COL19A1: variants seen among roughly 807,000 people sequenced by gnomAD.
COL19A1 encodes collagen type XIX alpha 1 chain.
In COL19A1, 159 loss-of-function variants were observed where a neutral mutation model predicts 190.2. The ratio of observed to expected loss-of-function variants is 0.84; its 90% CI spans 0.73 to 0.95. COL19A1 has a LOEUF of 0.95. Ranked by LOEUF, COL19A1 falls within the 40% of genes least tolerant of loss-of-function variation. The probability of loss-of-function intolerance (pLI) is 0.00; values close to 1 mark genes in which losing one functional copy is unlikely to be tolerated. For synonymous variants in COL19A1, 509 were observed against 458.9 expected, an observed-to-expected ratio of 1.11 and a Z score of -1.39; for missense variants, 1,418 against 1,431.9, an observed-to-expected ratio of 0.99 and a Z score of 0.16.
intron 35 of COL19A1, 65 bp downstream of exon 35, chr6:70,162,018 A>G: frequency 7.0e-7 from 1 of 1,430,060 alleles, no homozygotes; most frequent in Non-Finnish European, 9.5e-7. Context: ...AAGGTGAATT[A>G]ATTTTCTTCA....
intron 18 of COL19A1, chr6:70,130,948 G>T: frequency 4.5e-6 from 1 of 222,200 alleles, no homozygotes; most frequent in Non-Finnish European, 1.0e-5. Flanking sequence ...ATTTTTGGTG[G>T]GGTTTTATAC....
rs574948187 is a variant in COL19A1, at chr6:70,191,039, T to G, written c.3094+658T>G. ...TGCACATTCCTTCGCCTCTTTTCTC[T>G]GGCTGTTATCCCACTACAGCAACAG... On this transcript the variant is annotated intron_variant, in intron 48 of 50. Transcript: ENST00000620364. Among the ~76,000 whole-genome samples, 42 of 152,360 alleles carry G rather than the reference T, an allele frequency of 2.8e-4. 1 individual carries two copies. In the South Asian group the frequency reaches 8.5e-3, roughly 31 times the overall value.
chr6:69,968,557 G>A (rs1775249780), intron 11 of COL19A1, among the ~76,000 whole-genome samples: 1 of 152,076 alleles, frequency 6.6e-6, no homozygotes. Flanking sequence ...TTGACTTCTA[G>A]CATTAAATGT....
At chr6:69,929,787 T>A in intron 6 of COL19A1, 87 bp downstream of exon 6, 20 of 1,188,208 alleles carry the variant, frequency 1.7e-5, no homozygotes, top group Non-Finnish European at 2.3e-5. Flanking sequence ...TTTATTACTG[T>A]GTAATAGATT....
intron 46 of COL19A1, among the ~76,000 whole-genome samples, chr6:70,185,592 A>G (rs1401699139): frequency 6.6e-6 from 1 of 152,122 alleles, no homozygotes; most frequent in African/African-American, 2.4e-5. Context: ...CATTATTGCA[A>G]TTTCTCTTTA....
At chr6:69,919,036 C>A (rs1175481990) in intron 4 of COL19A1, among the ~76,000 whole-genome samples, 1 of 152,196 alleles carries the variant, frequency 6.6e-6, no homozygotes, top group Admixed American at 6.5e-5. Flanking sequence ...CATCTCACAT[C>A]CCCTCCTTTT....
At position 70,074,161 on chromosome 6, in the gene COL19A1, T is replaced by C. The variant is rs546450359; in HGVS notation, c.1224+5685T>C. 3.3e-4 allele frequency among the ~76,000 whole-genome samples: 51 copies of C among 152,242 alleles called. 3 individuals are homozygous for C. The South Asian group carries it at 0.011, about 32-fold the overall frequency. ...AACTTTGTAGAACACAGCAAGACAGTAATGCAGGTCAGACCTGCCTCACAG... is the reference window on the plus strand; with the variant it reads ...AACTTTGTAGAACACAGCAAGACAGCAATGCAGGTCAGACCTGCCTCACAG... On this transcript the variant is annotated intron_variant, in intron 15 of 50. Transcript: ENST00000620364.
At chr6:70,056,253 C>T (rs949491510) in intron 14 of COL19A1, among the ~76,000 whole-genome samples, 4 of 152,138 alleles carry the variant, frequency 2.6e-5, no homozygotes, top group Admixed American at 6.5e-5. Flanking sequence ...CACTTTCACA[C>T]TTGATTGATA....
rs112888229 is a variant in COL19A1 at position 69,899,165 on chromosome 6, A to ATTT, written c.166+158_166+160dup. 381 of 425,978 alleles carry ATTT rather than the reference A, an allele frequency of 8.9e-4. 1 individual carries two copies. Among genetic ancestry groups the ATTT allele is most frequent in the African/African-American group, 2.2e-3 (100 of 45,368 alleles). 26.4% of individuals were successfully genotyped at this position (425,978 alleles called of 1,614,324 possible). ...GTGAAAATTTTAAGAATTCTTTTTA[A>ATTT]TTTTTTTTTTTTTTTTTGAGACAGG... On this transcript the variant is annotated intron_variant, in intron 3 of 50. Coordinates refer to ENST00000620364, the MANE Select transcript of COL19A1 (RefSeq NM_001858.6).
At chr6:69,879,059 A>C (rs1333510035) in intron 1 of COL19A1, among the ~76,000 whole-genome samples, 1 of 152,194 alleles carries the variant, frequency 6.6e-6, no homozygotes, top group Non-Finnish European at 1.5e-5. Flanking sequence ...AAAATGGGAA[A>C]TTATTTTTTA....
At chr6:70,199,404 C>T (rs902270424) in intron 48 of COL19A1, among the ~76,000 whole-genome samples, 2 of 152,246 alleles carry the variant, frequency 1.3e-5, no homozygotes, top group East Asian at 3.8e-4. Flanking sequence ...AGTGACACAG[C>T]TGGTCTGCAT....
intron 15 of COL19A1, among the ~76,000 whole-genome samples, chr6:70,082,361 A>C (rs545568549): frequency 7.5e-4 from 115 of 152,332 alleles, no homozygotes; most frequent in African/African-American, 2.7e-3. Context: ...CTTTGTTAAA[A>C]TGATTTCTAT....
intron 15 of COL19A1, chr6:70,098,492 A>G (rs1227072486): frequency 1.2e-5 from 6 of 498,628 alleles, no homozygotes; most frequent in Non-Finnish European, 2.4e-5. Context: ...CAGGTGCCTC[A>G]TTCGACCAGT....
intron 14 of COL19A1, among the ~76,000 whole-genome samples, chr6:70,055,643 G>A (rs1025243214): frequency 7.9e-5 from 12 of 151,836 alleles, no homozygotes; most frequent in African/African-American, 2.9e-4. Flanking sequence ...TCAGCCAAGT[G>A]TGGTGGTGGG....
intron 44 of COL19A1, among the ~76,000 whole-genome samples, chr6:70,182,803 T>C (rs961451612): frequency 1.3e-5 from 2 of 152,050 alleles, no homozygotes; most frequent in African/African-American, 4.8e-5. Context: ...ATGATCCAGT[T>C]GAGAGAGGAA....
chr6:69,961,860 A>G (rs1774820121), intron 10 of COL19A1, among the ~76,000 whole-genome samples: 2 of 152,186 alleles, frequency 1.3e-5, no homozygotes, highest in South Asian at 4.1e-4. Context: ...ACATGCATGC[A>G]TGTTTCTATA....
At chr6:69,980,887 T>C (rs1314976245) in intron 11 of COL19A1, among the ~76,000 whole-genome samples, 3 of 152,202 alleles carry the variant, frequency 2.0e-5, no homozygotes, top group Non-Finnish European at 2.9e-5. Flanking sequence ...TCCCATACAT[T>C]GCTGGTGGTA....
intron 4 of COL19A1, among the ~76,000 whole-genome samples, chr6:69,921,534 G>GTATATTCA (rs1771930110): frequency 5.2e-5 from 3 of 58,110 alleles, no homozygotes; most frequent in Non-Finnish European, 9.3e-5. Context: ...ATATATTCAT[G>GTATATTCA]TATATTCATA....
At chr6:70,162,420 C>T (rs890650640) in intron 35 of COL19A1, among the ~76,000 whole-genome samples, 3 of 152,132 alleles carry the variant, frequency 2.0e-5, no homozygotes, top group Non-Finnish European at 2.9e-5. Context: ...GCCCCTCAAA[C>T]ACACCATCAA....
Sources: gnomAD v4.1 joint callset for allele counts (sites outside exome capture counted in the v4.1 genomes callset) on GRCh38, gnomAD v4.1.1 for gene constraint, MANE v1.5 for transcripts, NCBI Gene and HGNC (gene_info 2026-07-23, HGNC 2026-07-21) for gene names.